YTHDF3: variants seen among roughly 807,000 people sequenced by gnomAD.
YTHDF3 encodes YTH domain-containing family protein 3.
A neutral mutation model predicts 52.5 loss-of-function variants in YTHDF3; 9 were observed. That is an observed-to-expected ratio of 0.17 (90% confidence interval 0.10 to 0.30). The LOEUF is 0.30. Ranked by LOEUF, YTHDF3 falls within the 10% of genes least tolerant of loss-of-function variation. The probability of loss-of-function intolerance (pLI) is 1.00; values close to 1 mark genes in which losing one functional copy is unlikely to be tolerated. For missense variants in YTHDF3, 534 were observed against 715.0 expected (o/e 0.75, Z 2.89); for synonymous variants, 274 against 243.3 (o/e 1.13, Z -1.18).
At chr8:63,198,574 G>C (rs1809386074) in intron 4 of YTHDF3, among the ~76,000 whole-genome samples, 1 of 151,968 alleles carries the variant, frequency 6.6e-6, no homozygotes, top group Admixed American at 6.6e-5. Flanking sequence ...GCCAAGTTGG[G>C]CATTTCTGAA....
intron 4 of YTHDF3, among the ~76,000 whole-genome samples, chr8:63,208,681 C>G (rs954673575): frequency 1.3e-5 from 2 of 152,272 alleles, no homozygotes. Context: ...ATGTACAATG[C>G]TAGTCATTTT....
intron 4 of YTHDF3, among the ~76,000 whole-genome samples, chr8:63,194,556 C>T (rs967300768): frequency 6.6e-5 from 10 of 151,952 alleles, no homozygotes; most frequent in African/African-American, 2.4e-4. Context: ...ACATTCATAC[C>T]TTTTATCCAG....
chr8:63,188,388 G>A (rs1002239531), intron 4 of YTHDF3, among the ~76,000 whole-genome samples: 8 of 150,622 alleles, frequency 5.3e-5, no homozygotes, highest in Non-Finnish European at 8.9e-5. Context: ...GTGTACTGGC[G>A]TGAACATGGC....
intron 4 of YTHDF3, among the ~76,000 whole-genome samples, chr8:63,191,428 T>C (rs542775337): frequency 3.9e-5 from 6 of 152,196 alleles, no homozygotes; most frequent in Non-Finnish European, 5.9e-5. Flanking sequence ...TCTTCACTGA[T>C]AGTATTTGTT....
rs1810276551 is a variant in YTHDF3, at chr8:63,209,835, A to C, written c.*129A>C. The C allele has an allele frequency of 2.2e-6, 2 of 890,080 alleles. No individual in the cohort carries two copies. The highest frequency in any genetic ancestry group is 3.0e-5 in the Admixed American group (1 of 33,360). 55.1% of individuals were successfully genotyped at this position (890,080 alleles called of 1,614,324 possible). A position where few individuals can be genotyped will look rare whatever the true frequency, so the allele number is the denominator to read the frequency against. ...GACATCTTTGAACACTTTAACACAA[A>C]GTTGACTCTTCTCGTAATGGTTTTC... On this transcript the variant is annotated 3_prime_UTR_variant, in exon 5 of 5. Transcript: ENST00000539294.
chr8:63,185,079 G>A (rs377552294), intron 3 of YTHDF3, among the ~76,000 whole-genome samples: 3 of 152,070 alleles, frequency 2.0e-5, no homozygotes, highest in African/African-American at 4.8e-5. Flanking sequence ...CCAAGATAGC[G>A]CTGCTGCACT....
chr8:63,183,854 C>T (rs1374831160), intron 3 of YTHDF3, among the ~76,000 whole-genome samples: 7 of 152,138 alleles, frequency 4.6e-5, no homozygotes, highest in Non-Finnish European at 7.3e-5. Context: ...CCAGAACCCC[C>T]AACGGATACC....
intron 3 of YTHDF3, among the ~76,000 whole-genome samples, chr8:63,180,702 C>G (rs1346052628): frequency 6.6e-6 from 1 of 152,200 alleles, no homozygotes; most frequent in African/African-American, 2.4e-5. Flanking sequence ...CTGAGTGAAC[C>G]AGACTCCGTC....
At chr8:63,196,579 A>AT (rs1809255466) in intron 4 of YTHDF3, among the ~76,000 whole-genome samples, 1 of 151,914 alleles carries the variant, frequency 6.6e-6, no homozygotes, top group South Asian at 2.1e-4. Context: ...AAAAAAAAGA[A>AT]TAAAAAAGGA....
At chr8:63,181,765 C>CAGTA (rs1808154644) in intron 3 of YTHDF3, among the ~76,000 whole-genome samples, 1 of 152,134 alleles carries the variant, frequency 6.6e-6, no homozygotes, top group Admixed American at 6.5e-5. Context: ...TTTTTGTCTC[C>CAGTA]AGTAACCAGC....
At chr8:63,172,306 C>G (rs1352586325) in intron 2 of YTHDF3, among the ~76,000 whole-genome samples, 1 of 152,134 alleles carries the variant, frequency 6.6e-6, no homozygotes, top group Non-Finnish European at 1.5e-5. Flanking sequence ...TACTTACAGT[C>G]TTAGGCCTTA....
chr8:63,202,005 C>T (rs10088859), intron 4 of YTHDF3, among the ~76,000 whole-genome samples: 12,078 of 152,178 alleles, frequency 0.079, 763 homozygotes, highest in East Asian at 0.18. Flanking sequence ...ATGTTCTTTT[C>T]TTAACTGTGT....
chr8:63,198,715 A>G (rs1165486634), intron 4 of YTHDF3, among the ~76,000 whole-genome samples: 3 of 152,206 alleles, frequency 2.0e-5, no homozygotes, highest in Admixed American at 6.5e-5. Flanking sequence ...AAATAGTTAT[A>G]CTTATGACAA....
intron 4 of YTHDF3, among the ~76,000 whole-genome samples, chr8:63,196,838 C>T (rs1244626890): frequency 6.6e-6 from 1 of 152,054 alleles, no homozygotes; most frequent in Non-Finnish European, 1.5e-5. Flanking sequence ...AGCTTAGCCA[C>T]GTACTGTTCA....
intron 3 of YTHDF3, among the ~76,000 whole-genome samples, chr8:63,175,917 G>A (rs958226518): frequency 2.0e-5 from 3 of 152,046 alleles, no homozygotes; most frequent in East Asian, 1.9e-4. Context: ...TGGTAATGTC[G>A]GTGATAGAAT....
chr8:63,178,740 T>C (rs1807868506), intron 3 of YTHDF3, among the ~76,000 whole-genome samples: 1 of 152,212 alleles, frequency 6.6e-6, no homozygotes, highest in Non-Finnish European at 1.5e-5. Context: ...ACTGGGTTTA[T>C]TGAAAATTAT....
intron 4 of YTHDF3, among the ~76,000 whole-genome samples, chr8:63,203,492 T>C (rs1282902576): frequency 1.3e-5 from 2 of 152,244 alleles, no homozygotes; most frequent in African/African-American, 4.8e-5. Flanking sequence ...GAAATAATTT[T>C]ATATTTACAG....
chr8:63,198,355 C>G (rs898920851), intron 4 of YTHDF3, among the ~76,000 whole-genome samples: 9 of 152,194 alleles, frequency 5.9e-5, no homozygotes, highest in African/African-American at 2.2e-4. Context: ...CAGTCTCCAC[C>G]TTCGGGATTC....
At chr8:63,200,780 A>G (rs534965937) in intron 4 of YTHDF3, among the ~76,000 whole-genome samples, 15 of 152,306 alleles carry the variant, frequency 9.8e-5, no homozygotes, top group Admixed American at 5.2e-4. Flanking sequence ...AGCAAATACA[A>G]TTTTGATTGG....
Sources: gnomAD v4.1 joint callset for allele counts (sites outside exome capture counted in the v4.1 genomes callset) on GRCh38, gnomAD v4.1.1 for gene constraint, MANE v1.5 for transcripts, NCBI Gene and HGNC (gene_info 2026-07-23, HGNC 2026-07-21) for gene names.